The following ACSM3 variants were observed in gnomAD, a reference collection of about 807,000 sequenced individuals.
The protein encoded by ACSM3 is acyl-coenzyme A synthetase ACSM3, mitochondrial.
ACSM3 carries 61 observed loss-of-function variants against 74.1 expected under a neutral mutation model. That is an observed-to-expected ratio of 0.82 (90% CI 0.67 to 1.02). The LOEUF (loss-of-function observed/expected upper bound fraction) is 1.02. Ranked by LOEUF, ACSM3 falls within the 50% of genes least tolerant of loss-of-function variation. ACSM3 has a pLI of 0.00. For synonymous variants in ACSM3, 213 were observed against 241.5 expected, an observed-to-expected ratio of 0.88 and a Z score of 1.09; for missense variants, 660 against 697.0, an observed-to-expected ratio of 0.95 and a Z score of 0.60.
intron 4 of ACSM3, 27 bp downstream of exon 4, chr16:20,777,607 A>C (rs2080271604): frequency 6.3e-7 from 1 of 1,584,614 alleles, no homozygotes; most frequent in East Asian, 2.2e-5. Context: ...GTTGTAAAAC[A>C]GCTTCCCAAA....
chr16:20,745,240 G>A lies in ACSM3; in HGVS notation c.-189-4670G>A, dbSNP rs1275390111. On this transcript the variant is annotated intron_variant, in intron 1 of 3. Coordinates refer to the ACSM3 transcript ENST00000561584. ...CCTCCCAGACATGGACAATGGCCCA[G>A]TGTCTATCCTTAGACACCAGGGACT... Among the ~76,000 whole-genome samples, 4 of 152,088 alleles carry A rather than the reference G, an allele frequency of 2.6e-5. No homozygotes were observed. The East Asian group carries it at 5.8e-4, about 22-fold the overall frequency.
intron 1 of ACSM3, among the ~76,000 whole-genome samples, chr16:20,704,305 T>C (rs1191213443): frequency 6.6e-6 from 1 of 152,214 alleles, no homozygotes; most frequent in African/African-American, 2.4e-5. Context: ...ACGTTTTTAC[T>C]AATGAGAATA....
At position 20,797,414 on chromosome 16, in the gene ACSM3, C is replaced by G; in HGVS notation, c.*442C>G. 2 of 1,007,552 alleles carry G rather than the reference C, an allele frequency of 2.0e-6. No homozygotes were observed. 62.4% of individuals were successfully genotyped at this position (1,007,552 alleles called of 1,614,324 possible). On this transcript the variant is annotated 3_prime_UTR_variant, in exon 14 of 14. Transcript: ENST00000289416. Reference sequence around the variant, plus strand: ...ATCAGTTAGAAGATTATGATAATCTCAAAGTACAAGAATCTACCTGAAAAT... The same window carrying G: ...ATCAGTTAGAAGATTATGATAATCTGAAAGTACAAGAATCTACCTGAAAAT...
rs1253081460 is a variant in ACSM3 at position 20,797,229 on chromosome 16, G to A, written c.*257G>A. On this transcript the variant is annotated 3_prime_UTR_variant, in exon 14 of 14. Transcript: ENST00000289416. ...ATCAATTGCTGATTAATTTTTAAATGTATAGTATAGAAGCAGTTTCTGAAC... is the reference window on the plus strand; with the variant it reads ...ATCAATTGCTGATTAATTTTTAAATATATAGTATAGAAGCAGTTTCTGAAC... 5 of 1,182,572 alleles carry A rather than the reference G, an allele frequency of 4.2e-6. No homozygotes were observed. Among genetic ancestry groups the A allele is most frequent in the Non-Finnish European group, 5.2e-6 (5 of 956,962 alleles). 73.3% of individuals were successfully genotyped at this position (1,182,572 alleles called of 1,614,324 possible).
At chr16:20,686,978 ATT>A (rs34041438) in intron 1 of ACSM3, among the ~76,000 whole-genome samples, 204 of 135,942 alleles carry the variant, frequency 1.5e-3, no homozygotes, top group African/African-American at 2.6e-3. Flanking sequence ...AAATTTTGTG[ATT>A]TTTTTTTTTT....
At chr16:20,701,604 C>T (rs1201467952) in intron 1 of ACSM3, among the ~76,000 whole-genome samples, 1 of 152,114 alleles carries the variant, frequency 6.6e-6, no homozygotes, top group Non-Finnish European at 1.5e-5. Flanking sequence ...ATACATGTGC[C>T]ATGGTGGTTT....
At chr16:20,685,218 C>A in intron 1 of ACSM3, 2 of 1,614,168 alleles carry the variant, frequency 1.2e-6, no homozygotes, top group Non-Finnish European at 1.7e-6. Context: ...CCACAGCCAC[C>A]AGCCACCACT....
intron 1 of ACSM3, chr16:20,733,678 ATTTAT>A (rs2079845162): frequency 1.3e-5 from 2 of 152,038 alleles, no homozygotes; most frequent in Admixed American, 1.3e-4. Flanking sequence ...TAGGGAACAA[ATTTAT>A]TTTGATTTTT....
chr16:20,796,695 C>G, intron 13 of ACSM3, 191 bp from the exon 14 acceptor site: 1 of 1,477,920 alleles, frequency 6.8e-7, no homozygotes, highest in Non-Finnish European at 8.9e-7. Flanking sequence ...TTACTGGACT[C>G]ACAGTAAATA....
At chr16:20,731,377 G>A (rs992918708) in intron 1 of ACSM3, among the ~76,000 whole-genome samples, 13 of 152,140 alleles carry the variant, frequency 8.5e-5, no homozygotes, top group Admixed American at 3.3e-4. Flanking sequence ...ATACATGTGT[G>A]ACCTGTAAAT....
At chr16:20,759,387 G>A (rs1488351707), upstream of ACSM3, among the ~76,000 whole-genome samples, 2 of 151,916 alleles carry the variant, frequency 1.3e-5, no homozygotes, top group African/African-American at 2.4e-5. Flanking sequence ...GTGAAACCCC[G>A]TCTCTACTAA....
rs141806408 is a variant in ACSM3 at position 20,772,019 on chromosome 16, C to T, written c.219+1766C>T. Among the ~76,000 whole-genome samples, 7 of 152,170 alleles carry T rather than the reference C, an allele frequency of 4.6e-5. No homozygotes were observed. The East Asian group carries it at 1.2e-3, about 25-fold the overall frequency. ...TGAGCATTTTTTCATATACTTGCTG[C>T]CAATTAGTATGTCTTTTGAGAAATG... On this transcript the variant is annotated intron_variant, in intron 2 of 13. Transcript: ENST00000289416.
rs866802750 is a variant in ACSM3, at chr16:20,742,966, A to T, written c.-189-6944A>T. ...TTTTTTTTTTTTTTTTTTGAGATGG[A>T]GTCTCGCTCTGTCGCCCAGGCTGGA... On this transcript the variant is annotated intron_variant, in intron 1 of 3. Coordinates refer to the ACSM3 transcript ENST00000561584. Among the ~76,000 whole-genome samples, 462 of 129,708 alleles carry T rather than the reference A, an allele frequency of 3.6e-3. 3 individuals carry two copies. Among genetic ancestry groups the T allele is most frequent in the Middle Eastern group, 0.017 (4 of 236 alleles). 85.1% of individuals were successfully genotyped at this position (129,708 alleles called of 152,430 possible).
chr16:20,711,488 C>A, intron 1 of ACSM3: 2 of 1,348,896 alleles, frequency 1.5e-6, no homozygotes, highest in East Asian at 2.6e-5. Context: ...GTCTTCATGC[C>A]AGGAACAATC....
At chr16:20,746,256 CAG>C (rs2079957567) in intron 1 of ACSM3, among the ~76,000 whole-genome samples, 3 of 152,208 alleles carry the variant, frequency 2.0e-5, no homozygotes, top group Admixed American at 2.0e-4. Context: ...CAGCTGCTTT[CAG>C]ACTCAGTCGT....
chr16:20,741,420 G>A (rs1567332653), intron 1 of ACSM3: 1 of 1,422,900 alleles, frequency 7.0e-7, no homozygotes, highest in South Asian at 1.5e-5. Flanking sequence ...CCCGAGGCGC[G>A]CATGCCCATA....
chr16:20,678,878 C>T (rs796351156), intron 1 of ACSM3, among the ~76,000 whole-genome samples: 1 of 152,176 alleles, frequency 6.6e-6, no homozygotes. Context: ...CTCCACCAAG[C>T]AAACTGGGTA....
In ACSM3 at chr16:20,682,444, C is replaced by T. The variant is rs764978151; in HGVS notation, c.-190+7622C>T. 9 of 1,613,364 alleles carry T rather than the reference C, an allele frequency of 5.6e-6. No homozygotes were observed. In the South Asian group the frequency reaches 7.7e-5, roughly 14 times the overall value. On this transcript the variant is annotated intron_variant, in intron 1 of 3. Coordinates refer to the ACSM3 transcript ENST00000561584. Reference sequence around the variant, plus strand: ...TGTCTTTGGCCTTCAACAGGATGGTCGCAGGAATGAAGATGATCCCTGGGG... The same window carrying T: ...TGTCTTTGGCCTTCAACAGGATGGTTGCAGGAATGAAGATGATCCCTGGGG...
At chr16:20,769,278 C>G (rs934652911) in intron 1 of ACSM3, among the ~76,000 whole-genome samples, 10 of 152,224 alleles carry the variant, frequency 6.6e-5, no homozygotes, top group African/African-American at 2.2e-4. Flanking sequence ...ACATTGTGAT[C>G]AAATGATTTC....
Sources: gnomAD v4.1 joint callset for allele counts (sites outside exome capture counted in the v4.1 genomes callset) on GRCh38, gnomAD v4.1.1 for gene constraint, MANE v1.5 for transcripts, NCBI Gene and HGNC (gene_info 2026-07-23, HGNC 2026-07-21) for gene names.